Variants in LINGO2 observed in about 807,000 individuals in gnomAD.
LINGO2 encodes leucine-rich repeat and immunoglobulin-like domain-containing nogo receptor-interacting protein 2.
In LINGO2, 14 loss-of-function variants were observed where a neutral mutation model predicts 30.6. The observed-to-expected ratio is 0.46, with a 90% CI of 0.30 to 0.72. LINGO2 has a LOEUF of 0.72. LINGO2 is among the 30% of genes least tolerant of loss of function. The pLI is 0.07. For missense variants in LINGO2, 729 were observed against 751.7 expected (o/e 0.97, Z 0.35); for synonymous variants, 317 against 288.5 (o/e 1.10, Z -1.00).
intron 4 of LINGO2, among the ~76,000 whole-genome samples, chr9:28,181,003 C>T (rs966310892): frequency 3.9e-5 from 6 of 152,128 alleles, no homozygotes; most frequent in African/African-American, 1.2e-4. Flanking sequence ...GTTGCATCAA[C>T]GTGAGAAAAT....
At chr9:28,848,321 GTA>G in the LINGO2 span, among the ~76,000 whole-genome samples, 3 of 125,586 alleles carry the variant, frequency 2.4e-5, no homozygotes, top group East Asian at 2.4e-4. Context: ...CATATATAGT[GTA>G]TATATATACA....
intron 1 of LINGO2, among the ~76,000 whole-genome samples, chr9:28,579,540 AAG>A (rs1276831399): frequency 6.6e-6 from 1 of 152,110 alleles, no homozygotes; most frequent in African/African-American, 2.4e-5. Context: ...ACAATTTAGC[AAG>A]AGTCTGAAGA....
At chr9:28,722,914 A>G in the LINGO2 span, among the ~76,000 whole-genome samples, 1 of 152,120 alleles carries the variant, frequency 6.6e-6, no homozygotes, top group African/African-American at 2.4e-5. Flanking sequence ...GAGCTCTGAT[A>G]TCCACTGGCT....
At chr9:28,883,626 G>GTATATATATA in the LINGO2 span, among the ~76,000 whole-genome samples, 2 of 25,634 alleles carry the variant, frequency 7.8e-5, no homozygotes, top group African/African-American at 1.9e-4. Context: ...ATATGTGTGT[G>GTATATATATA]TGTATATATA....
chr9:28,972,900 C>A, the LINGO2 span, among the ~76,000 whole-genome samples: 1 of 152,124 alleles, frequency 6.6e-6, no homozygotes, highest in African/African-American at 2.4e-5. Flanking sequence ...TCAGTTACCT[C>A]CCACCAGGTC....
At chr9:28,995,888 G>A in the LINGO2 span, among the ~76,000 whole-genome samples, 1 of 67,076 alleles carries the variant, frequency 1.5e-5, no homozygotes, top group Non-Finnish European at 3.9e-5. Flanking sequence ...GGGGATGGGG[G>A]AGGGATAGCA....
At chr9:27,962,388 C>T (rs192283593) in intron 5 of LINGO2, among the ~76,000 whole-genome samples, 33 of 152,236 alleles carry the variant, frequency 2.2e-4, no homozygotes, top group African/African-American at 7.7e-4. Flanking sequence ...CCACGGAAGA[C>T]AGTATCTAAC....
At chr9:28,953,903 T>C in the LINGO2 span, among the ~76,000 whole-genome samples, 5 of 152,252 alleles carry the variant, frequency 3.3e-5, no homozygotes, top group East Asian at 9.7e-4. Flanking sequence ...CTATGACTGC[T>C]TGATCATCAT....
At position 28,219,404 on chromosome 9, in the gene LINGO2, T is replaced by C. The variant is rs536936526; in HGVS notation, c.-87+75804A>G. ...ATGGATATGCTTGCCTTATTCCTTA[T>C]TTTAGAGGTTCTTTTTTAAGGTCTC... On this transcript the variant is annotated intron_variant, in intron 4 of 5. Transcript: ENST00000379992. Among the ~76,000 whole-genome samples the C allele has an allele frequency of 4.6e-5, 7 of 152,286 alleles. No homozygotes were observed. The South Asian group carries it at 8.3e-4, about 18-fold the overall frequency.
chr9:28,314,750 A>C (rs150395209), intron 3 of LINGO2, among the ~76,000 whole-genome samples: 1 of 151,750 alleles, frequency 6.6e-6, no homozygotes, highest in East Asian at 2.0e-4. Context: ...TTTGGGAGGC[A>C]GAGGCAGGCA....
chr9:28,939,471 A>G, the LINGO2 span, among the ~76,000 whole-genome samples: 2 of 152,054 alleles, frequency 1.3e-5, no homozygotes. Context: ...ATACTTGACT[A>G]CCCCTAAAAT....
the LINGO2 span, among the ~76,000 whole-genome samples, chr9:29,161,635 C>T: frequency 1.3e-5 from 2 of 152,040 alleles, no homozygotes; most frequent in Admixed American, 6.6e-5. Context: ...GGAGGTAGAG[C>T]CTGATAATTT....
chr9:29,167,929 G>C, the LINGO2 span, among the ~76,000 whole-genome samples: 1 of 152,030 alleles, frequency 6.6e-6, no homozygotes, highest in African/African-American at 2.4e-5. Flanking sequence ...CTCCACAGTC[G>C]TTAGCTACTC....
At chr9:28,936,287 A>T in the LINGO2 span, among the ~76,000 whole-genome samples, 1 of 152,282 alleles carries the variant, frequency 6.6e-6, no homozygotes, top group East Asian at 1.9e-4. Context: ...TTGAAAGAAA[A>T]CTATTTTGAA....
the LINGO2 span, among the ~76,000 whole-genome samples, chr9:28,798,071 C>T: frequency 7.9e-5 from 12 of 152,004 alleles, no homozygotes; most frequent in African/African-American, 2.4e-4. Flanking sequence ...TTTGGTTGAG[C>T]GTAAAGGTCA....
rs548499787 is a variant in LINGO2, at chr9:28,057,405, G to A, written c.-86-45000C>T. Among the ~76,000 whole-genome samples the A allele has an allele frequency of 2.0e-5, 3 of 151,768 alleles. No individual in the cohort carries two copies. The South Asian group carries it at 6.2e-4, about 32-fold the overall frequency. ...TATTTAATTATGGAACCATTTGCCA[G>A]TAAGCGCTTTTGAGGATTAGTGTTC... is the stretch of plus-strand genomic sequence containing the variant. On this transcript the variant is annotated intron_variant, in intron 4 of 5. Transcript: ENST00000379992.
At chr9:28,268,633 C>T (rs916289225) in intron 4 of LINGO2, among the ~76,000 whole-genome samples, 1 of 152,008 alleles carries the variant, frequency 6.6e-6, no homozygotes, top group Non-Finnish European at 1.5e-5. Flanking sequence ...TGATTTATAT[C>T]AAATTACATG....
chr9:28,286,452 T>C (rs113321075), intron 4 of LINGO2, among the ~76,000 whole-genome samples: 7,888 of 152,242 alleles, frequency 0.052, 328 homozygotes, highest in East Asian at 0.16. Context: ...AGCAATCCCA[T>C]TACTGGGTAT....
At chr9:29,002,339 A>G in the LINGO2 span, among the ~76,000 whole-genome samples, 3 of 152,098 alleles carry the variant, frequency 2.0e-5, no homozygotes, top group Non-Finnish European at 4.4e-5. Context: ...AAGAAGTAGG[A>G]CAAATGTCTC....
Sources: gnomAD v4.1 joint callset for allele counts (sites outside exome capture counted in the v4.1 genomes callset) on GRCh38, gnomAD v4.1.1 for gene constraint, MANE v1.5 for transcripts, NCBI Gene and HGNC (gene_info 2026-07-23, HGNC 2026-07-21) for gene names.